The following MCHR2 variants were observed in gnomAD, a reference collection of about 807,000 sequenced individuals.
The protein encoded by MCHR2 is melanin concentrating hormone receptor 2.
Under a neutral mutation model 24.8 loss-of-function variants are expected in MCHR2, and 15 were observed. The observed-to-expected ratio is 0.60, with a 90% CI of 0.40 to 0.93. The LOEUF (loss-of-function observed/expected upper bound fraction) is 0.93, where lower values mean the gene tolerates loss of function less well. Among genes scored for constraint, MCHR2 ranks in the 40% least tolerant of loss-of-function variants. The pLI, the probability that MCHR2 is intolerant of heterozygous loss-of-function variation, is 0.00. For synonymous variants in MCHR2, 151 were observed against 147.6 expected (o/e 1.02, Z -0.17); for missense variants, 386 against 408.7 (o/e 0.94, Z 0.48).
intron 4 of MCHR2, among the ~76,000 whole-genome samples, chr6:99,938,035 G>C (rs751481292): frequency 8.6e-5 from 13 of 151,632 alleles, no homozygotes; most frequent in Non-Finnish European, 1.6e-4. Context: ...GTATTTCTGA[G>C]GTTTCAGTTG....
chr6:99,968,105 T>C (rs1018984365), intron 1 of MCHR2, among the ~76,000 whole-genome samples: 1 of 152,198 alleles, frequency 6.6e-6, no homozygotes, highest in Non-Finnish European at 1.5e-5. Context: ...ATATCAGTTA[T>C]TACAATAATC....
At chr6:99,962,304 AT>A (rs1775204213) in intron 1 of MCHR2, among the ~76,000 whole-genome samples, 1 of 152,182 alleles carries the variant, frequency 6.6e-6, no homozygotes, top group Non-Finnish European at 1.5e-5. Context: ...ATAGCATGAG[AT>A]TTCACCATGT....
At chr6:99,937,885 C>T (rs989401521) in intron 4 of MCHR2, among the ~76,000 whole-genome samples, 9 of 151,574 alleles carry the variant, frequency 5.9e-5, no homozygotes, top group African/African-American at 1.7e-4. Flanking sequence ...TCTCCTTATT[C>T]GCTATTGATT....
chr6:99,985,807 A>C (rs1271223918), intron 1 of MCHR2, among the ~76,000 whole-genome samples: 1 of 152,126 alleles, frequency 6.6e-6, no homozygotes, highest in Admixed American at 6.6e-5. Context: ...AATACAACAA[A>C]AACAATAGGC....
chr6:99,980,842 G>A (rs529414541), intron 1 of MCHR2, among the ~76,000 whole-genome samples: 4 of 152,070 alleles, frequency 2.6e-5, no homozygotes, highest in Non-Finnish European at 5.9e-5. Context: ...CATGAAACTA[G>A]CTCCAAAAAC....
At chr6:99,963,184 T>A (rs977506607) in intron 1 of MCHR2, among the ~76,000 whole-genome samples, 6 of 152,134 alleles carry the variant, frequency 3.9e-5, no homozygotes, top group Admixed American at 1.3e-4. Context: ...CTTGTGTACT[T>A]TTGGTAGGAA....
intron 1 of MCHR2, among the ~76,000 whole-genome samples, chr6:99,982,961 T>C (rs1021994127): frequency 6.6e-6 from 1 of 151,978 alleles, no homozygotes; most frequent in African/African-American, 2.4e-5. Context: ...TTTTGTTTTG[T>C]TTGTCTTATT....
chr6:99,943,285 T>G, intron 3 of MCHR2, 142 bp from the exon 4 acceptor site: 1 of 261,198 alleles, frequency 3.8e-6, no homozygotes, highest in East Asian at 7.8e-5. Context: ...GAAAGTTTTA[T>G]ATATATATAT....
At chr6:99,934,272 A>T in intron 5 of MCHR2, 126 bp downstream of exon 5, 1 of 967,168 alleles carries the variant, frequency 1.0e-6, no homozygotes, top group South Asian at 3.3e-5. Flanking sequence ...TTTTCTATAG[A>T]CATATATCAA....
At chr6:99,975,375 G>T (rs145476498) in intron 1 of MCHR2, among the ~76,000 whole-genome samples, 1,996 of 152,322 alleles carry the variant, frequency 0.013, 41 homozygotes, top group African/African-American at 0.044. Flanking sequence ...CTCTGAGCCA[G>T]GTGCAGGATA....
chr6:99,920,582 A>C lies in MCHR2; in HGVS notation c.*358T>G, dbSNP rs200312472. ...GAACCTTGAGGAAACTGTTACAGTG[A>C]GGCCACAGTGTGGAGGGCAAGGTCA... is the stretch of plus-strand genomic sequence containing the variant. On this transcript the variant is annotated 3_prime_UTR_variant, in exon 6 of 6. Transcript: ENST00000281806. 2 of 215,078 alleles carry C rather than the reference A, an allele frequency of 9.3e-6. No homozygotes were observed. The highest frequency in any genetic ancestry group is 1.9e-5 in the Non-Finnish European group (2 of 106,104). 13.3% of individuals were successfully genotyped at this position (215,078 alleles called of 1,614,324 possible).
intron 5 of MCHR2, among the ~76,000 whole-genome samples, chr6:99,921,812 C>T (rs1774239375): frequency 6.6e-6 from 1 of 152,154 alleles, no homozygotes; most frequent in Admixed American, 6.6e-5. Flanking sequence ...TCTTTCTACT[C>T]TCTATGTCCA....
chr6:99,920,927 T>A lies in MCHR2; in HGVS notation c.*13A>T. The A allele has an allele frequency of 6.2e-7, 1 of 1,610,852 alleles. No homozygotes were observed. The highest frequency in any genetic ancestry group is 8.5e-7 in the Non-Finnish European group (1 of 1,177,810). ...ACAATCATGTCTAGACTCATGGTGA[T>A]CCATGTACTTTCCTAAAAGTGTGAT... On this transcript the variant is annotated 3_prime_UTR_variant, in exon 6 of 6. Coordinates refer to ENST00000281806, the MANE Select transcript of MCHR2 (RefSeq NM_001040179.2).
At position 99,919,011 on chromosome 6, in the gene MCHR2, A is replaced by G. The variant is rs1380395267; in HGVS notation, c.*1929T>C. ...GCAATTGCTCTTCAATTATCACATA[A>G]TAAGATGTTTCTGACCCATTGTGCT... On this transcript the variant is annotated 3_prime_UTR_variant, in exon 6 of 6. Transcript: ENST00000281806. Among the ~76,000 whole-genome samples the G allele has an allele frequency of 2.0e-5, 3 of 152,210 alleles. No individual in the cohort carries two copies. Among genetic ancestry groups the G allele is most frequent in the East Asian group, 3.8e-4 (2 of 5,204 alleles).
intron 1 of MCHR2, among the ~76,000 whole-genome samples, chr6:99,974,292 C>T (rs1036530737): frequency 1.3e-5 from 2 of 152,162 alleles, no homozygotes; most frequent in African/African-American, 4.8e-5. Flanking sequence ...CTTCCCTTCT[C>T]ACTTCATTTC....
chr6:99,965,163 T>C (rs1775272012), intron 1 of MCHR2, among the ~76,000 whole-genome samples: 1 of 152,134 alleles, frequency 6.6e-6, no homozygotes, highest in African/African-American at 2.4e-5. Context: ...ACAGTAAAAG[T>C]ATTGTTAAAA....
intron 1 of MCHR2, among the ~76,000 whole-genome samples, chr6:99,962,024 ATTTCT>A (rs1209083225): frequency 6.6e-6 from 1 of 152,136 alleles, no homozygotes; most frequent in Non-Finnish European, 1.5e-5. Context: ...GATTTTTAAA[ATTTCT>A]TTATTAAGTA....
At chr6:99,957,577 A>G (rs992505092) in intron 1 of MCHR2, among the ~76,000 whole-genome samples, 2 of 151,996 alleles carry the variant, frequency 1.3e-5, no homozygotes, top group Non-Finnish European at 2.9e-5. Flanking sequence ...ACAATGGGGG[A>G]AGAAAAAAAT....
At chr6:99,993,447 G>A (rs768142851) in intron 1 of MCHR2, among the ~76,000 whole-genome samples, 2 of 152,146 alleles carry the variant, frequency 1.3e-5, no homozygotes, top group Non-Finnish European at 2.9e-5. Context: ...CAGGGGACAC[G>A]GGGATCTACC....
Sources: allele counts gnomAD v4.1 joint callset (sites outside exome capture counted in the v4.1 genomes callset), GRCh38; gene constraint gnomAD v4.1.1; transcripts MANE v1.5; gene names NCBI Gene and HGNC (gene_info 2026-07-23, HGNC 2026-07-21).